The following NDUFAF6 variants were observed in gnomAD, a reference collection of about 807,000 sequenced individuals.
NDUFAF6 encodes the protein NADH dehydrogenase (ubiquinone) complex I, assembly factor 6.
NDUFAF6 carries 45 observed loss-of-function variants against 40.8 expected under a neutral mutation model. The ratio of observed to expected loss-of-function variants is 1.10; its 90% CI spans 0.87 to 1.42. The LOEUF (loss-of-function observed/expected upper bound fraction) is 1.42, where lower values mean the gene tolerates loss of function less well. Ranked by LOEUF, NDUFAF6 falls within the 40% of genes most tolerant of loss-of-function variation. NDUFAF6 has a pLI of 0.00. For missense variants in NDUFAF6, 435 were observed against 418.5 expected (o/e 1.04, Z -0.34); for synonymous variants, 185 against 155.9 (o/e 1.19, Z -1.39).
Position 95,014,573 on chromosome 8 carries a change from T to G in NDUFAF6, c.-83-17422T>G, listed in dbSNP as rs184964552. Among the ~76,000 whole-genome samples the G allele has an allele frequency of 2.5e-3, 382 of 152,354 alleles. 4 individuals carry two copies. The highest frequency in any genetic ancestry group is 8.8e-3 in the African/African-American group (364 of 41,582). On this transcript the variant is annotated intron_variant, in intron 2 of 9. Transcript: ENST00000396111. ...TGTCACAAGTAGAGAATTCAGTTTTTGGTTAAGCAGAAACTAAGTTCCAAG... is the reference window on the plus strand; with the variant it reads ...TGTCACAAGTAGAGAATTCAGTTTTGGGTTAAGCAGAAACTAAGTTCCAAG...
chr8:94,947,498 C>G lies in NDUFAF6; in HGVS notation c.-799+1879C>G, dbSNP rs182144802. 4.6e-5 allele frequency among the ~76,000 whole-genome samples: 7 copies of G among 152,260 alleles called. No homozygotes were observed. In the East Asian group the frequency reaches 1.4e-3, roughly 29 times the overall value. Reference sequence around the variant, plus strand: ...AAATGGGTTTTGAACTGGAGAAAAACCAAGCCAAGAAAGTTATCTCTGCTT... The same window carrying G: ...AAATGGGTTTTGAACTGGAGAAAAAGCAAGCCAAGAAAGTTATCTCTGCTT... On this transcript the variant is annotated intron_variant, in intron 2 of 14. Coordinates refer to the NDUFAF6 transcript ENST00000396113.
intron 1 of NDUFAF6, among the ~76,000 whole-genome samples, chr8:94,972,539 A>G (rs894135245): frequency 6.6e-6 from 1 of 152,134 alleles, no homozygotes; most frequent in African/African-American, 2.4e-5. Context: ...ACACCCAGCC[A>G]CAATGTGATC....
At chr8:95,014,558 A>G (rs1827362413) in intron 2 of NDUFAF6, among the ~76,000 whole-genome samples, 1 of 152,206 alleles carries the variant, frequency 6.6e-6, no homozygotes, top group African/African-American at 2.4e-5. Flanking sequence ...TGTCACAAGT[A>G]GAGAATTCAG....
At chr8:95,105,252 C>T (rs1809801101), downstream of NDUFAF6, among the ~76,000 whole-genome samples, 1 of 152,212 alleles carries the variant, frequency 6.6e-6, no homozygotes, top group Non-Finnish European at 1.5e-5. Context: ...CAAAGAGAGC[C>T]TGACCAAGAC....
chr8:94,989,830 G>A (rs1347211569), intron 2 of NDUFAF6, among the ~76,000 whole-genome samples: 1 of 152,086 alleles, frequency 6.6e-6, no homozygotes, highest in Non-Finnish European at 1.5e-5. Flanking sequence ...ATACTCAAGC[G>A]ATCCTCCTAC....
At position 94,917,412 on chromosome 8, in the gene NDUFAF6, T is replaced by G. The variant is rs142824848; in HGVS notation, c.-936+21485T>G. Among the ~76,000 whole-genome samples, 43 of 152,354 alleles carry G rather than the reference T, an allele frequency of 2.8e-4. No individual in the cohort carries two copies. The East Asian group carries it at 5.6e-3, about 20-fold the overall frequency. On this transcript the variant is annotated intron_variant, in intron 1 of 14. Coordinates refer to the NDUFAF6 transcript ENST00000396113. ...CAACTAGAATCCACATTTCTCAGAC[T>G]AGTATATTTACCTCCTAATATAACA...
intron 1 of NDUFAF6, chr8:94,980,743 C>A: frequency 3.4e-6 from 1 of 292,502 alleles, no homozygotes; most frequent in Non-Finnish European, 7.0e-6. Context: ...AGCCACCGTG[C>A]TTGGCCTGTC....
chr8:94,904,470 C>T (rs550905583), intron 1 of NDUFAF6, among the ~76,000 whole-genome samples: 1 of 151,538 alleles, frequency 6.6e-6, no homozygotes, highest in East Asian at 1.9e-4. Flanking sequence ...GCCACCGCGC[C>T]TGGCCTGAAC....
intron 2 of NDUFAF6, among the ~76,000 whole-genome samples, chr8:94,982,938 A>T (rs1178716613): frequency 6.6e-6 from 1 of 152,256 alleles, no homozygotes; most frequent in African/African-American, 2.4e-5. Context: ...TGTGGTCCTC[A>T]CAATACTGGT....
intron 1 of NDUFAF6, among the ~76,000 whole-genome samples, chr8:94,920,819 T>G (rs1030559600): frequency 1.3e-5 from 2 of 152,240 alleles, no homozygotes; most frequent in Non-Finnish European, 2.9e-5. Context: ...TTTAGGGTTC[T>G]GCATTCAGCT....
At chr8:94,977,848 G>A (rs1825097557) in intron 1 of NDUFAF6, among the ~76,000 whole-genome samples, 1 of 152,120 alleles carries the variant, frequency 6.6e-6, no homozygotes, top group African/African-American at 2.4e-5. Flanking sequence ...GTTCTGGGGA[G>A]TAGTGGGCAA....
intron 1 of NDUFAF6, chr8:94,939,993 C>T (rs1821364708): frequency 1.2e-6 from 2 of 1,614,146 alleles, no homozygotes; most frequent in South Asian, 2.2e-5. Flanking sequence ...CTTGTTTCCA[C>T]CTTGATAGTG....
intron 1 of NDUFAF6, among the ~76,000 whole-genome samples, chr8:94,960,910 C>T (rs879277241): frequency 6.6e-6 from 1 of 152,208 alleles, no homozygotes; most frequent in Non-Finnish European, 1.5e-5. Context: ...CCCAACACGT[C>T]AGCTACATAA....
chr8:95,031,640 C>T (rs938591816), intron 1 of NDUFAF6, among the ~76,000 whole-genome samples: 2 of 152,136 alleles, frequency 1.3e-5, no homozygotes, highest in Non-Finnish European at 2.9e-5. Flanking sequence ...TGCTCTGTCA[C>T]CCAGGCTGGA....
chr8:95,012,047 A>C (rs775815624), intron 2 of NDUFAF6, among the ~76,000 whole-genome samples: 1 of 152,218 alleles, frequency 6.6e-6, no homozygotes, highest in Non-Finnish European at 1.5e-5. Flanking sequence ...ATAGAGTTCC[A>C]CATACTGACT....
rs1273499722 is a variant in NDUFAF6, at chr8:95,045,701, T to G, written c.580+54T>G. The G allele has an allele frequency of 8.5e-6, 12 of 1,411,890 alleles. No homozygotes were observed. In the African/African-American group the frequency reaches 9.9e-5, roughly 12 times the overall value. 87.5% of individuals were successfully genotyped at this position (1,411,890 alleles called of 1,614,324 possible). Reference sequence around the variant, plus strand: ...TTTTTCCAATAAAATACCTATGAGATTTCACTTTTTCATAATTTGGTAATC... The same window carrying G: ...TTTTTCCAATAAAATACCTATGAGAGTTCACTTTTTCATAATTTGGTAATC... On this transcript the variant is annotated intron_variant, in intron 5 of 8. Transcript: ENST00000396124.
chr8:95,010,716 C>T (rs1472198684), intron 2 of NDUFAF6, among the ~76,000 whole-genome samples: 1 of 152,034 alleles, frequency 6.6e-6, no homozygotes, highest in Non-Finnish European at 1.5e-5. Flanking sequence ...GAAATAGTTC[C>T]TTTCAGACTC....
intron 2 of NDUFAF6, among the ~76,000 whole-genome samples, chr8:95,014,059 A>G (rs774859096): frequency 6.6e-6 from 1 of 152,242 alleles, no homozygotes; most frequent in Non-Finnish European, 1.5e-5. Context: ...AGAGAGGCAC[A>G]GCACAGATTC....
rs550167225 is a variant in NDUFAF6, at chr8:94,965,439, G to A, written c.-199+7260G>A. On this transcript the variant is annotated intron_variant, in intron 1 of 9. Coordinates refer to the NDUFAF6 transcript ENST00000396111. ...CTGGAATTTGGATTTTATTCTGAAG[G>A]CCACACAAGTCAGGAAAGGTCAGTA... 2.6e-5 allele frequency among the ~76,000 whole-genome samples: 4 copies of A among 152,296 alleles called. No individual in the cohort carries two copies. The East Asian group carries it at 7.7e-4, about 29-fold the overall frequency.
Sources: gnomAD v4.1 joint callset for allele counts (sites outside exome capture counted in the v4.1 genomes callset) on GRCh38, gnomAD v4.1.1 for gene constraint, MANE v1.5 for transcripts, NCBI Gene and HGNC (gene_info 2026-07-23, HGNC 2026-07-21) for gene names.